Variants in JAZF1 observed in about 807,000 individuals in gnomAD.
JAZF1 encodes the protein JAZF zinc finger 1, also known as juxtaposed with another zinc finger protein 1.
Under a neutral mutation model 26.4 loss-of-function variants are expected in JAZF1, and 8 were observed. The ratio of observed to expected loss-of-function variants is 0.30; its 90% CI spans 0.18 to 0.55. The LOEUF is 0.55. Ranked by LOEUF, JAZF1 falls within the 20% of genes least tolerant of loss-of-function variation. The pLI is 0.94. For synonymous variants in JAZF1, 126 were observed against 122.3 expected, an observed-to-expected ratio of 1.03 and a Z score of -0.20; for missense variants, 199 against 322.0, an observed-to-expected ratio of 0.62 and a Z score of 2.92.
intron 3 of JAZF1, among the ~76,000 whole-genome samples, chr7:27,882,697 G>A (rs148141776): frequency 7.5e-4 from 115 of 152,322 alleles, no homozygotes; most frequent in Non-Finnish European, 1.3e-3. Context: ...GCAGCTGGGT[G>A]TGCCTGGGGA....
intron 1 of JAZF1, among the ~76,000 whole-genome samples, chr7:28,120,535 G>A (rs1329702279): frequency 2.3e-4 from 14 of 59,700 alleles, no homozygotes. Context: ...TTGAGACAGA[G>A]TCTCGCTCTG....
At chr7:27,933,115 T>G (rs192179726) in intron 2 of JAZF1, among the ~76,000 whole-genome samples, 3 of 152,172 alleles carry the variant, frequency 2.0e-5, no homozygotes, top group African/African-American at 7.2e-5. Flanking sequence ...CAGTGATGTA[T>G]AGATGTCCCT....
rs923926648 is a variant in JAZF1 at position 28,174,927 on chromosome 7, C to T, written c.115+5536G>A. Among the ~76,000 whole-genome samples the T allele has an allele frequency of 1.8e-4, 22 of 121,662 alleles. 2 individuals are homozygous for T. Among genetic ancestry groups the T allele is most frequent in the Middle Eastern group, 3.9e-3 (1 of 256 alleles). The allele number at this position is 121,662 out of a possible 152,430, so 79.8% of individuals were successfully genotyped here. On this transcript the variant is annotated intron_variant, in intron 1 of 4. Coordinates refer to ENST00000283928, the MANE Select transcript of JAZF1 (RefSeq NM_175061.4). ...CCTGGGAGTAACAGGGAGATCTTGC[C>T]GCCAAGCCACAGGGCACAGGCAGAG...
intron 3 of JAZF1, among the ~76,000 whole-genome samples, chr7:27,851,045 T>A (rs934035856): frequency 9.9e-5 from 15 of 152,264 alleles, no homozygotes; most frequent in African/African-American, 3.4e-4. Context: ...CGGGTTCAAA[T>A]GATTCTCCTG....
chr7:27,832,665 A>T lies in JAZF1; in HGVS notation c.*135T>A. 3.0e-6 allele frequency: 2 copies of T among 666,210 alleles called. No individual in the cohort carries two copies. Among genetic ancestry groups the T allele is most frequent in the Non-Finnish European group, 4.8e-6 (2 of 414,204 alleles). 41.3% of individuals were successfully genotyped at this position (666,210 alleles called of 1,614,324 possible). A position where few individuals can be genotyped will look rare whatever the true frequency, so the allele number is the denominator to read the frequency against. On this transcript the variant is annotated 3_prime_UTR_variant, in exon 5 of 5. Coordinates refer to ENST00000283928, the MANE Select transcript of JAZF1 (RefSeq NM_175061.4). Reference sequence around the variant, plus strand: ...TACAAAGATACATCATTCCAAAATTACAGAAAAAATTTAAAGCATGCATTT... The same window carrying T: ...TACAAAGATACATCATTCCAAAATTTCAGAAAAAATTTAAAGCATGCATTT...
At chr7:28,141,944 A>G (rs974884709) in intron 1 of JAZF1, among the ~76,000 whole-genome samples, 1 of 152,210 alleles carries the variant, frequency 6.6e-6, no homozygotes, top group Non-Finnish European at 1.5e-5. Context: ...GTCAGAAAAA[A>G]GACTACAGTC....
chr7:27,993,826 G>A (rs1009301920), intron 1 of JAZF1, among the ~76,000 whole-genome samples: 1 of 152,156 alleles, frequency 6.6e-6, no homozygotes, highest in African/African-American at 2.4e-5. Context: ...GAGACTCAAA[G>A]AGATATCTGG....
At chr7:27,940,186 A>G (rs568557501) in intron 2 of JAZF1, among the ~76,000 whole-genome samples, 71 of 152,158 alleles carry the variant, frequency 4.7e-4, no homozygotes, top group Non-Finnish European at 6.5e-4. Flanking sequence ...CTGGAACACA[A>G]AGGCCTCTTC....
At chr7:27,914,079 G>C (rs970139448) in intron 2 of JAZF1, among the ~76,000 whole-genome samples, 1 of 152,232 alleles carries the variant, frequency 6.6e-6, no homozygotes, top group Non-Finnish European at 1.5e-5. Flanking sequence ...TCTGGGGACA[G>C]AGCACAGGGG....
intron 2 of JAZF1, among the ~76,000 whole-genome samples, chr7:27,915,623 T>C (rs913078731): frequency 1.3e-5 from 2 of 152,210 alleles, no homozygotes; most frequent in African/African-American, 2.4e-5. Context: ...TCACTGATGT[T>C]CTTCAACTAC....
chr7:27,857,302 C>G (rs974449888), intron 3 of JAZF1, among the ~76,000 whole-genome samples: 2 of 152,194 alleles, frequency 1.3e-5, no homozygotes, highest in Admixed American at 1.3e-4. Flanking sequence ...CTGGCCGCTC[C>G]GAGTGCGGGG....
At chr7:28,119,065 T>C (rs1160955692) in intron 1 of JAZF1, among the ~76,000 whole-genome samples, 1 of 152,022 alleles carries the variant, frequency 6.6e-6, no homozygotes, top group Non-Finnish European at 1.5e-5. Context: ...AAAGAAACAG[T>C]TGAACTGGAA....
chr7:28,175,146 C>T (rs1198325717), intron 1 of JAZF1, among the ~76,000 whole-genome samples: 2 of 152,210 alleles, frequency 1.3e-5, no homozygotes, highest in East Asian at 1.9e-4. Flanking sequence ...TTTGACACCA[C>T]TTTCCCAGTC....
chr7:28,051,830 T>C (rs1783622774), intron 1 of JAZF1, among the ~76,000 whole-genome samples: 1 of 151,988 alleles, frequency 6.6e-6, no homozygotes, highest in Admixed American at 6.6e-5. Flanking sequence ...AGAACAGAAA[T>C]CACAAGGAAA....
At chr7:28,132,097 T>C (rs1782804019) in intron 1 of JAZF1, among the ~76,000 whole-genome samples, 1 of 152,180 alleles carries the variant, frequency 6.6e-6, no homozygotes, top group Non-Finnish European at 1.5e-5. Context: ...TTACATGTAA[T>C]TTTCCTACTA....
intron 2 of JAZF1, among the ~76,000 whole-genome samples, chr7:27,947,903 C>T (rs564890545): frequency 1.3e-4 from 20 of 152,262 alleles, no homozygotes; most frequent in Admixed American, 1.2e-3. Context: ...TCAGACAAGC[C>T]GTCTCTACCT....
intron 1 of JAZF1, among the ~76,000 whole-genome samples, chr7:28,172,757 C>T (rs1447085019): frequency 1.3e-5 from 2 of 152,162 alleles, no homozygotes; most frequent in Non-Finnish European, 2.9e-5. Context: ...TGTGTAAGGA[C>T]CCCAGGTAAG....
intron 2 of JAZF1, among the ~76,000 whole-genome samples, chr7:27,955,361 T>C (rs73683906): frequency 0.026 from 4,003 of 152,304 alleles, 159 homozygotes; most frequent in African/African-American, 0.091. Context: ...TCTTGGCTGA[T>C]TTTGACAGAG....
chr7:27,873,672 G>A (rs1783623199), intron 3 of JAZF1, among the ~76,000 whole-genome samples: 1 of 152,176 alleles, frequency 6.6e-6, no homozygotes, highest in South Asian at 2.1e-4. Flanking sequence ...TTCACTGAAG[G>A]CACTGAGGTT....
Sources: allele counts gnomAD v4.1 joint callset (sites outside exome capture counted in the v4.1 genomes callset), GRCh38; gene constraint gnomAD v4.1.1; transcripts MANE v1.5; gene names NCBI Gene and HGNC (gene_info 2026-07-23, HGNC 2026-07-21).